The following TMEM114 variants were observed in gnomAD, a reference collection of about 807,000 sequenced individuals.
TMEM114 encodes the protein claudin-26.
Under a neutral mutation model 6.2 loss-of-function variants are expected in TMEM114, and 6 were observed. That is an observed-to-expected ratio of 0.97 (90% CI 0.53 to 1.91). The LOEUF is 1.91. TMEM114 is among the 40% of genes most tolerant of loss of function. TMEM114 has a pLI of 0.01. For synonymous variants in TMEM114, 104 were observed against 73.0 expected (o/e 1.42, Z -2.16); for missense variants, 218 against 158.3 (o/e 1.38, Z -2.02).
chr16:8,570,943 C>T (rs547378705), intron 3 of TMEM114, among the ~76,000 whole-genome samples: 4 of 152,322 alleles, frequency 2.6e-5, no homozygotes, highest in South Asian at 2.1e-4. Flanking sequence ...ATCACAGAAA[C>T]TTCTACCAGG....
At chr16:8,584,920 C>G (rs1014142163) in intron 2 of TMEM114, among the ~76,000 whole-genome samples, 1 of 90,690 alleles carries the variant, frequency 1.1e-5, no homozygotes, top group Non-Finnish European at 2.3e-5. Context: ...GAAACGCCGT[C>G]TCAAAAAAAA....
At chr16:8,563,940 A>G (rs1196171866) in intron 2 of TMEM114, among the ~76,000 whole-genome samples, 1 of 143,544 alleles carries the variant, frequency 7.0e-6, no homozygotes, top group Non-Finnish European at 1.5e-5. Flanking sequence ...TGAGTGAACG[A>G]GTAAGTAAAT....
At chr16:8,530,225 A>G in the TMEM114 span, among the ~76,000 whole-genome samples, 1 of 151,476 alleles carries the variant, frequency 6.6e-6, no homozygotes, top group Non-Finnish European at 1.5e-5. Context: ...CTCCATGAAA[A>G]CTCACTCTCA....
rs1455339918 is a variant in TMEM114 at position 8,569,763 on chromosome 16, G to C, written c.*10C>G. ...GCCCCTCCCTCCCCTCCACGACCCA[G>C]CGCCCAGGCTCATATGGCCTGGTCC... On this transcript the variant is annotated 3_prime_UTR_variant, in exon 4 of 4. Transcript: ENST00000620492. 6.5e-7 allele frequency: 1 copy of C among 1,545,436 alleles called. No homozygotes were observed. The highest frequency in any genetic ancestry group is 2.0e-5 in the Admixed American group (1 of 50,848).
chr16:8,539,064 C>T (rs1174359100), intron 2 of TMEM114, among the ~76,000 whole-genome samples: 4 of 152,014 alleles, frequency 2.6e-5, no homozygotes, highest in African/African-American at 4.8e-5. Context: ...TATTAAATAG[C>T]GTATTTGTGA....
At chr16:8,583,146 G>C (rs1230448587) in intron 2 of TMEM114, among the ~76,000 whole-genome samples, 2 of 152,168 alleles carry the variant, frequency 1.3e-5, no homozygotes, top group Non-Finnish European at 2.9e-5. Flanking sequence ...TACAAGTCAA[G>C]AGCTCAGAAT....
At chr16:8,556,151 G>A (rs934519208) in intron 2 of TMEM114, among the ~76,000 whole-genome samples, 4 of 152,090 alleles carry the variant, frequency 2.6e-5, no homozygotes, top group South Asian at 2.1e-4. Flanking sequence ...ATTCTACCTC[G>A]TAAATGCCAA....
At chr16:8,580,190 T>G (rs1332346396) in intron 2 of TMEM114, among the ~76,000 whole-genome samples, 4 of 151,898 alleles carry the variant, frequency 2.6e-5, no homozygotes, top group Non-Finnish European at 5.9e-5. Flanking sequence ...ACATTCTTCT[T>G]AGAAAAAATT....
At chr16:8,531,496 C>T in the TMEM114 span, among the ~76,000 whole-genome samples, 35 of 152,306 alleles carry the variant, frequency 2.3e-4, no homozygotes, top group East Asian at 6.6e-3. Context: ...TGTTGGTTTT[C>T]TTCAAGGAGT....
chr16:8,530,003 A>C, the TMEM114 span, among the ~76,000 whole-genome samples: 1 of 152,200 alleles, frequency 6.6e-6, no homozygotes, highest in Non-Finnish European at 1.5e-5. Context: ...CTAATTGTGA[A>C]ACCTAATTTT....
In TMEM114 at chr16:8,569,863, G is replaced by C; in HGVS notation, c.582C>G (p.Ile194Met). Residue 194 changes from isoleucine to methionine, a missense_variant, in exon 4 of 4, where the codon ATC becomes ATG. Ile to Met is a conservative substitution (Grantham distance 10, BLOSUM62 1). Coordinates refer to ENST00000620492, the MANE Select transcript of TMEM114 (RefSeq NM_001146336.2). Reference sequence around the variant, plus strand: ...CGGTGAGCAGCTCGGCGATGAAGCTGATCCAGCCCAGGGCCAGGGACCAGC... The same window carrying C: ...CGGTGAGCAGCTCGGCGATGAAGCTCATCCAGCCCAGGGCCAGGGACCAGC... ...SFGWSLALGW[I>M]SFIAELLTGA... The C allele has an allele frequency of 6.4e-7, 1 of 1,551,150 alleles. No individual in the cohort carries two copies. The highest frequency in any genetic ancestry group is 1.7e-4 in the Middle Eastern group (1 of 5,992).
chr16:8,585,617 G>C (rs1488173551), intron 2 of TMEM114, among the ~76,000 whole-genome samples: 1 of 149,778 alleles, frequency 6.7e-6, no homozygotes, highest in African/African-American at 2.5e-5. Flanking sequence ...GGAAGAAAAA[G>C]ACATTATGCG....
chr16:8,540,677 G>C lies in TMEM114; in HGVS notation n.213-2851C>G, dbSNP rs114948672. On this transcript the variant is annotated intron_variant and non_coding_transcript_variant, in intron 2 of 2. Coordinates refer to the TMEM114 transcript ENST00000623677. ...CTCACTATAGCTCAGCATTCCACTA[G>C]GTACTGGGAACCAGTGGTAAGCAAA... is the stretch of plus-strand genomic sequence containing the variant. 8.4e-3 allele frequency among the ~76,000 whole-genome samples: 1,274 copies of C among 152,310 alleles called. 24 individuals carry two copies. Among genetic ancestry groups the C allele is most frequent in the African/African-American group, 0.029 (1,202 of 41,566 alleles).
the TMEM114 span, among the ~76,000 whole-genome samples, chr16:8,530,895 T>A: frequency 6.6e-6 from 1 of 151,946 alleles, no homozygotes; most frequent in East Asian, 1.9e-4. Flanking sequence ...TGTGGTGGCA[T>A]ACGCATATAA....
chr16:8,572,282 A>G, intron 2 of TMEM114, 58 bp from the exon 3 acceptor site: 10 of 1,543,756 alleles, frequency 6.5e-6, no homozygotes, highest in East Asian at 2.4e-5. Flanking sequence ...CCTTCATTCA[A>G]TCAACAAACA....
At chr16:8,562,023 A>C (rs1264323080) in intron 2 of TMEM114, among the ~76,000 whole-genome samples, 1 of 150,608 alleles carries the variant, frequency 6.6e-6, no homozygotes, top group African/African-American at 2.5e-5. Flanking sequence ...TGAATGTGTG[A>C]GTGAATGAGT....
chr16:8,548,608 G>A (rs985388428), intron 2 of TMEM114, among the ~76,000 whole-genome samples: 1 of 151,218 alleles, frequency 6.6e-6, no homozygotes, highest in South Asian at 2.1e-4. Context: ...CACCCCCTAA[G>A]AGCAAATTAT....
chr16:8,540,029 GCTGGTC>G (rs746468541), intron 2 of TMEM114, among the ~76,000 whole-genome samples: 14 of 151,944 alleles, frequency 9.2e-5, no homozygotes, highest in Admixed American at 4.6e-4. Flanking sequence ...CGTTGACCAG[GCTGGTC>G]TTGAACTCTC....
intron 2 of TMEM114, among the ~76,000 whole-genome samples, chr16:8,547,741 C>G (rs538402442): frequency 2.0e-5 from 3 of 152,230 alleles, no homozygotes; most frequent in African/African-American, 7.2e-5. Flanking sequence ...TCTTCTCAGG[C>G]AGGAGGAGGT....
Sources: gnomAD v4.1 joint callset for allele counts (sites outside exome capture counted in the v4.1 genomes callset) on GRCh38, gnomAD v4.1.1 for gene constraint, MANE v1.5 for transcripts, NCBI Gene and HGNC (gene_info 2026-07-23, HGNC 2026-07-21) for gene names.